The following CDK8 variants were observed in gnomAD, a reference collection of about 807,000 sequenced individuals.
The protein encoded by CDK8 is cyclin-dependent kinase 8.
Under a neutral mutation model 71.5 loss-of-function variants are expected in CDK8, and 29 were observed. The ratio of observed to expected loss-of-function variants is 0.41; its 90% CI spans 0.30 to 0.55. CDK8 has a LOEUF of 0.55. CDK8 is among the 20% of genes least tolerant of loss of function. CDK8 has a pLI of 0.37. For missense variants in CDK8, 288 were observed against 572.6 expected (o/e 0.50, Z 5.07); for synonymous variants, 161 against 192.1 (o/e 0.84, Z 1.34).
intron 6 of CDK8, among the ~76,000 whole-genome samples, chr13:26,386,606 T>C (rs1875488817): frequency 6.6e-6 from 1 of 152,206 alleles, no homozygotes; most frequent in African/African-American, 2.4e-5. Flanking sequence ...TTTCTTATTT[T>C]GCTACAGTAT....
intron 1 of CDK8, among the ~76,000 whole-genome samples, chr13:26,302,365 A>G (rs1205182940): frequency 6.6e-6 from 1 of 152,134 alleles, no homozygotes; most frequent in Non-Finnish European, 1.5e-5. Context: ...ATTTTTTTGC[A>G]TTTGAGTTTC....
chr13:26,305,623 C>T lies in CDK8; in HGVS notation c.129-31944C>T, dbSNP rs897823876. On this transcript the variant is annotated intron_variant, in intron 1 of 12. Transcript: ENST00000381527. ...TTTGTATTGTTTATTGTTTCTTATC[C>T]TCTGCTTCATGGTTTTCATCATTTT... 2.0e-5 allele frequency among the ~76,000 whole-genome samples: 3 copies of T among 151,818 alleles called. No individual in the cohort carries two copies. The South Asian group carries it at 6.2e-4, about 31-fold the overall frequency.
intron 5 of CDK8, 23 bp downstream of exon 5, chr13:26,382,894 C>T (rs1469545804): frequency 6.6e-7 from 1 of 1,510,032 alleles, no homozygotes; most frequent in Non-Finnish European, 9.0e-7. Context: ...TTTGCTAAGT[C>T]ACAGTGTAGC....
intron 1 of CDK8, among the ~76,000 whole-genome samples, chr13:26,285,220 G>A (rs7322454): frequency 2.6e-5 from 4 of 151,938 alleles, no homozygotes; most frequent in South Asian, 2.1e-4. Context: ...CAACAAGAGC[G>A]AAACTCCGTC....
intron 3 of CDK8, among the ~76,000 whole-genome samples, chr13:26,353,133 A>G (rs957506758): frequency 4.6e-5 from 7 of 152,244 alleles, no homozygotes; most frequent in African/African-American, 1.2e-4. Flanking sequence ...TAATTTTTCT[A>G]TGTATAAAGT....
chr13:26,384,798 A>G (rs556280932), intron 5 of CDK8, among the ~76,000 whole-genome samples: 1 of 152,212 alleles, frequency 6.6e-6, no homozygotes, highest in Non-Finnish European at 1.5e-5. Flanking sequence ...CTGATTAATT[A>G]TACCAGTGAA....
intron 1 of CDK8, among the ~76,000 whole-genome samples, chr13:26,301,947 TG>T (rs1467120850): frequency 6.6e-6 from 1 of 152,240 alleles, no homozygotes; most frequent in African/African-American, 2.4e-5. Context: ...TTTCCCACTC[TG>T]GTTTTTGCTT....
intron 1 of CDK8, among the ~76,000 whole-genome samples, chr13:26,305,369 G>A (rs182906320): frequency 1.5e-4 from 23 of 152,006 alleles, no homozygotes; most frequent in East Asian, 9.6e-4. Context: ...CTTTTTCTCC[G>A]GGCTGCTTTT....
rs1371117294 is a variant in CDK8, at chr13:26,257,915, TGTGTGTGAGA to T, written c.128+3148_128+3157del. ...GTGTTTGTGTGTGTGTGTGTGTGTG[TGTGTGTGAGA>T]GAGAGAGAGATACTGCCAACTTTCT... On this transcript the variant is annotated intron_variant, in intron 1 of 12. Coordinates refer to ENST00000381527, the MANE Select transcript of CDK8 (RefSeq NM_001260.3). Among the ~76,000 whole-genome samples the T allele has an allele frequency of 4.5e-3, 642 of 141,174 alleles. 4 individuals carry two copies. The highest frequency in any genetic ancestry group is 0.018 in the African/African-American group (594 of 32,186). 92.6% of individuals were successfully genotyped at this position (141,174 alleles called of 152,430 possible).
chr13:26,289,868 A>AT (rs1387772800), intron 1 of CDK8, among the ~76,000 whole-genome samples: 14 of 152,184 alleles, frequency 9.2e-5, no homozygotes, highest in South Asian at 2.1e-4. Flanking sequence ...CTTCTTAATT[A>AT]TTTTTTAAGG....
At chr13:26,361,783 C>CTTTT (rs1201582663) in intron 4 of CDK8, among the ~76,000 whole-genome samples, 165 of 112,196 alleles carry the variant, frequency 1.5e-3, no homozygotes, top group Non-Finnish European at 2.4e-3. Flanking sequence ...TTTTCTTTTC[C>CTTTT]CTTTTTTTTT....
chr13:26,343,191 C>T lies in CDK8; in HGVS notation c.204+5549C>T, dbSNP rs574138450. ...TTAGGCGATCTCATTGTTCTGCCAT[C>T]GCAGAGTGTACTTACACTAACCCAG... On this transcript the variant is annotated intron_variant, in intron 2 of 12. Transcript: ENST00000381527. Among the ~76,000 whole-genome samples the T allele has an allele frequency of 2.6e-5, 4 of 152,282 alleles. No individual in the cohort carries two copies. The South Asian group carries it at 6.2e-4, about 24-fold the overall frequency.
chr13:26,340,363 C>T (rs1424116323), intron 2 of CDK8, among the ~76,000 whole-genome samples: 1 of 152,060 alleles, frequency 6.6e-6, no homozygotes, highest in Non-Finnish European at 1.5e-5. Flanking sequence ...TTTAGAGATA[C>T]ATACTGAAAT....
At chr13:26,260,723 T>C (rs766222439) in intron 1 of CDK8, among the ~76,000 whole-genome samples, 1 of 152,196 alleles carries the variant, frequency 6.6e-6, no homozygotes, top group Non-Finnish European at 1.5e-5. Context: ...TTATAGGCCA[T>C]TTGCAAACGT....
chr13:26,327,913 A>C (rs1875095004), intron 1 of CDK8, among the ~76,000 whole-genome samples: 2 of 152,214 alleles, frequency 1.3e-5, no homozygotes, highest in African/African-American at 2.4e-5. Flanking sequence ...ATTTTATTAA[A>C]AATGATTTAA....
chr13:26,323,349 G>C (rs1313003266), intron 1 of CDK8, among the ~76,000 whole-genome samples: 2 of 147,246 alleles, frequency 1.4e-5, no homozygotes, highest in Admixed American at 1.3e-4. Context: ...GGGAGAGGGA[G>C]AGGGAGAGGG....
chr13:26,268,429 C>T (rs1872140611), intron 1 of CDK8, among the ~76,000 whole-genome samples: 1 of 152,148 alleles, frequency 6.6e-6, no homozygotes, highest in Non-Finnish European at 1.5e-5. Flanking sequence ...CATTCTCCCA[C>T]CTCAGCCTCC....
chr13:26,366,670 A>T (rs930728822), intron 4 of CDK8, among the ~76,000 whole-genome samples: 5 of 152,162 alleles, frequency 3.3e-5, no homozygotes, highest in Non-Finnish European at 7.4e-5. Context: ...TCCCAAATAG[A>T]TGTGTGAATT....
chr13:26,306,395 ATTTAC>A (rs201767637), intron 1 of CDK8, among the ~76,000 whole-genome samples: 3,565 of 152,146 alleles, frequency 0.023, 58 homozygotes, highest in Non-Finnish European at 0.037. Flanking sequence ...TTAGCTTGTT[ATTTAC>A]TTCTTGTAGC....
Sources: gnomAD v4.1 joint callset for allele counts (sites outside exome capture counted in the v4.1 genomes callset) on GRCh38, gnomAD v4.1.1 for gene constraint, MANE v1.5 for transcripts, NCBI Gene and HGNC (gene_info 2026-07-23, HGNC 2026-07-21) for gene names.